Variants in RAB38 observed in about 807,000 individuals in gnomAD.
The protein encoded by RAB38 is ras-related protein Rab-38.
Under a neutral mutation model 18.4 loss-of-function variants are expected in RAB38, and 15 were observed. The observed-to-expected ratio is 0.82, with a 90% confidence interval of 0.55 to 1.26. The LOEUF is 1.26. Ranked by LOEUF, RAB38 falls within the 50% of genes most tolerant of loss-of-function variation. RAB38 has a pLI of 0.00. For synonymous variants in RAB38, 101 were observed against 104.4 expected (o/e 0.97, Z 0.20); for missense variants, 294 against 267.4 (o/e 1.10, Z -0.69).
chr11:87,886,046 A>G, the RAB38 span, among the ~76,000 whole-genome samples: 1 of 151,872 alleles, frequency 6.6e-6, no homozygotes, highest in African/African-American at 2.4e-5. Context: ...TATCTCAAGT[A>G]GCCATATGTT....
the RAB38 span, among the ~76,000 whole-genome samples, chr11:87,841,428 A>T: frequency 2.0e-5 from 3 of 152,134 alleles, no homozygotes; most frequent in African/African-American, 7.2e-5. Flanking sequence ...GAATGGACTA[A>T]TACAATCAGC....
chr11:87,866,059 C>A, the RAB38 span, among the ~76,000 whole-genome samples: 1 of 151,576 alleles, frequency 6.6e-6, no homozygotes, highest in Non-Finnish European at 1.5e-5. Flanking sequence ...TATGAATGAA[C>A]AATGGAGTCA....
At chr11:87,918,712 T>G in the RAB38 span, among the ~76,000 whole-genome samples, 1 of 151,378 alleles carries the variant, frequency 6.6e-6, no homozygotes, top group African/African-American at 2.5e-5. Context: ...TTCCCATTTT[T>G]AAATCAAGTT....
chr11:87,804,040 C>G, the RAB38 span, among the ~76,000 whole-genome samples: 1 of 152,204 alleles, frequency 6.6e-6, no homozygotes, highest in East Asian at 1.9e-4. Flanking sequence ...TCTGATGCAA[C>G]TTGGGTGACC....
At chr11:88,146,976 G>A (rs886468307) in intron 2 of RAB38, among the ~76,000 whole-genome samples, 2 of 152,158 alleles carry the variant, frequency 1.3e-5, no homozygotes, top group East Asian at 3.8e-4. Flanking sequence ...AGTCCTAAAG[G>A]TACTAAACAT....
At chr11:88,027,064 T>C in the RAB38 span, among the ~76,000 whole-genome samples, 41 of 152,324 alleles carry the variant, frequency 2.7e-4, 1 homozygote, top group South Asian at 4.6e-3. Flanking sequence ...AAAAATATTT[T>C]TGATAACAAT....
chr11:87,841,779 A>C, the RAB38 span, among the ~76,000 whole-genome samples: 1 of 152,180 alleles, frequency 6.6e-6, no homozygotes, highest in Non-Finnish European at 1.5e-5. Context: ...AAGGGGTGCT[A>C]ACTGATTGGA....
chr11:87,973,891 T>A, the RAB38 span, among the ~76,000 whole-genome samples: 1 of 151,898 alleles, frequency 6.6e-6, no homozygotes. Flanking sequence ...AGTCACCCCA[T>A]GCCCTATTTT....
At chr11:87,822,393 C>T in the RAB38 span, among the ~76,000 whole-genome samples, 35 of 152,188 alleles carry the variant, frequency 2.3e-4, no homozygotes, top group African/African-American at 8.0e-4. Context: ...TTTTACTTTA[C>T]AGTTTCTGTG....
At chr11:87,944,957 C>G in the RAB38 span, among the ~76,000 whole-genome samples, 1 of 152,094 alleles carries the variant, frequency 6.6e-6, no homozygotes, top group Non-Finnish European at 1.5e-5. Flanking sequence ...ATTATTTAAA[C>G]CTTTGTTTTC....
the RAB38 span, among the ~76,000 whole-genome samples, chr11:88,032,136 T>C: frequency 6.6e-6 from 1 of 151,888 alleles, no homozygotes; most frequent in Admixed American, 6.6e-5. Context: ...GGGAAATGAT[T>C]CCCTATTTAA....
chr11:88,008,880 G>T, the RAB38 span, among the ~76,000 whole-genome samples: 7 of 152,080 alleles, frequency 4.6e-5, no homozygotes, highest in African/African-American at 1.7e-4. Flanking sequence ...CACCATGTTG[G>T]CCAGGATGGT....
At chr11:87,965,439 A>G in the RAB38 span, among the ~76,000 whole-genome samples, 3 of 152,246 alleles carry the variant, frequency 2.0e-5, no homozygotes, top group African/African-American at 7.2e-5. Context: ...CTCTTCGATG[A>G]CGACTGAATT....
chr11:87,880,260 T>C, the RAB38 span, among the ~76,000 whole-genome samples: 1 of 151,820 alleles, frequency 6.6e-6, no homozygotes, highest in Admixed American at 6.6e-5. Flanking sequence ...CTATGTTTTG[T>C]AGCCCTCTTA....
chr11:88,161,008 A>C (rs1812501775), intron 1 of RAB38, among the ~76,000 whole-genome samples: 1 of 148,436 alleles, frequency 6.7e-6, no homozygotes, highest in Non-Finnish European at 1.5e-5. Context: ...AAAAGAAAAG[A>C]AAACCTCTAT....
At chr11:87,941,224 T>G in the RAB38 span, among the ~76,000 whole-genome samples, 8 of 113,404 alleles carry the variant, frequency 7.1e-5, no homozygotes, top group African/African-American at 1.9e-4. Flanking sequence ...GATATATATA[T>G]ATATATATAT....
the RAB38 span, among the ~76,000 whole-genome samples, chr11:87,831,455 G>GAT: frequency 1.3e-5 from 2 of 152,180 alleles, no homozygotes; most frequent in Non-Finnish European, 2.9e-5. Context: ...AGATCAATGA[G>GAT]ATGTAGTGTC....
chr11:88,126,471 T>C (rs1482290162), intron 2 of RAB38, among the ~76,000 whole-genome samples: 1 of 152,120 alleles, frequency 6.6e-6, no homozygotes, highest in African/African-American at 2.4e-5. Context: ...AAACACTGCA[T>C]GTTCTCACTC....
the RAB38 span, among the ~76,000 whole-genome samples, chr11:87,828,293 G>A: frequency 2.6e-5 from 4 of 151,774 alleles, no homozygotes; most frequent in Non-Finnish European, 5.9e-5. Flanking sequence ...TTCTTGCTTA[G>A]ACTATCAAGA....
Sources: allele counts gnomAD v4.1 joint callset (sites outside exome capture counted in the v4.1 genomes callset), GRCh38; gene constraint gnomAD v4.1.1; transcripts MANE v1.5; gene names NCBI Gene and HGNC (gene_info 2026-07-23, HGNC 2026-07-21).